Variants in HERC3 observed in about 807,000 individuals in gnomAD.
The protein encoded by HERC3 is probable E3 ubiquitin-protein ligase HERC3.
A neutral mutation model predicts 129.9 loss-of-function variants in HERC3; 58 were observed. That is an observed-to-expected ratio of 0.45 (90% CI 0.36 to 0.56). The LOEUF (loss-of-function observed/expected upper bound fraction) is 0.56, where lower values mean the gene tolerates loss of function less well. HERC3 is among the 20% of genes least tolerant of loss of function. The probability of loss-of-function intolerance (pLI) is 0.00; values close to 1 mark genes in which losing one functional copy is unlikely to be tolerated. For synonymous variants in HERC3, 430 were observed against 451.0 expected (o/e 0.95, Z 0.59); for missense variants, 835 against 1,244.2 (o/e 0.67, Z 4.95).
intron 3 of HERC3, among the ~76,000 whole-genome samples, chr4:88,630,774 AT>A (rs1416614570): frequency 6.6e-5 from 10 of 152,190 alleles, no homozygotes. Context: ...TGTTTTTAGG[AT>A]TTCCTCTGTC....
At chr4:88,591,788 T>C (rs1013310057), upstream of HERC3, among the ~76,000 whole-genome samples, 6 of 152,042 alleles carry the variant, frequency 3.9e-5, no homozygotes, top group African/African-American at 1.2e-4. Context: ...GGCCACAGAG[T>C]GTCTTTCAGA....
At chr4:88,611,585 G>A (rs1455926403) in intron 3 of HERC3, among the ~76,000 whole-genome samples, 1 of 152,222 alleles carries the variant, frequency 6.6e-6, no homozygotes, top group African/African-American at 2.4e-5. Context: ...ATTTTAAAAA[G>A]TGAGTGTATG....
intron 23 of HERC3, among the ~76,000 whole-genome samples, chr4:88,701,062 T>C (rs984124743): frequency 6.6e-6 from 1 of 152,236 alleles, no homozygotes; most frequent in Non-Finnish European, 1.5e-5. Flanking sequence ...AGTTGACCTA[T>C]AAAATTAACC....
intron 12 of HERC3, among the ~76,000 whole-genome samples, chr4:88,665,356 G>A (rs1487022745): frequency 6.6e-6 from 1 of 152,220 alleles, no homozygotes; most frequent in African/African-American, 2.4e-5. Flanking sequence ...GAGGCTGAAG[G>A]CCTGAGAAAT....
intron 23 of HERC3, among the ~76,000 whole-genome samples, chr4:88,689,688 C>T (rs1315308810): frequency 2.0e-5 from 3 of 151,672 alleles, no homozygotes; most frequent in Non-Finnish European, 4.4e-5. Flanking sequence ...AGTGATTCTT[C>T]TGCCTCGGCC....
chr4:88,611,689 C>A (rs999243822), intron 3 of HERC3, among the ~76,000 whole-genome samples: 8 of 152,112 alleles, frequency 5.3e-5, no homozygotes, highest in Non-Finnish European at 1.0e-4. Flanking sequence ...AGTTTTGAAC[C>A]CAAGTGGCAA....
At chr4:88,544,804 T>C in the HERC3 span, among the ~76,000 whole-genome samples, 1 of 151,782 alleles carries the variant, frequency 6.6e-6, no homozygotes, top group Non-Finnish European at 1.5e-5. Context: ...CATTCTCAGC[T>C]AACTATCACA....
chr4:88,545,626 A>G, the HERC3 span, among the ~76,000 whole-genome samples: 1 of 151,744 alleles, frequency 6.6e-6, no homozygotes, highest in African/African-American at 2.4e-5. Context: ...GGATCTCGCT[A>G]TGTTGCTCAG....
chr4:88,623,770 GTA>G (rs1399496166), intron 3 of HERC3, among the ~76,000 whole-genome samples: 1 of 152,112 alleles, frequency 6.6e-6, no homozygotes, highest in East Asian at 1.9e-4. Flanking sequence ...TTTTTGGTGT[GTA>G]TGTGCTTTAT....
intron 3 of HERC3, among the ~76,000 whole-genome samples, chr4:88,617,518 G>A (rs1725041162): frequency 6.6e-6 from 1 of 152,210 alleles, no homozygotes; most frequent in African/African-American, 2.4e-5. Context: ...AGTAGATTGT[G>A]CTGATTGAAA....
chr4:88,543,173 G>A, the HERC3 span, among the ~76,000 whole-genome samples: 1 of 152,188 alleles, frequency 6.6e-6, no homozygotes. Context: ...TGACATGATT[G>A]TAAATTTAGA....
At chr4:88,533,061 C>T in the HERC3 span, among the ~76,000 whole-genome samples, 29 of 152,054 alleles carry the variant, frequency 1.9e-4, no homozygotes, top group Non-Finnish European at 3.2e-4. Context: ...GTAGGGAAGC[C>T]GACAGCGCAG....
chr4:88,694,365 A>G (rs1578335398), intron 23 of HERC3, among the ~76,000 whole-genome samples: 1 of 152,210 alleles, frequency 6.6e-6, no homozygotes, highest in East Asian at 1.9e-4. Context: ...ATGACTATTA[A>G]CCCTTTGCCA....
intron 23 of HERC3, chr4:88,693,790 G>A (rs1734317207): frequency 1.9e-6 from 1 of 540,068 alleles, no homozygotes; most frequent in African/African-American, 2.1e-5. Context: ...CAGAGAGTTG[G>A]TTGAGTGTGT....
rs1725636544 is a variant in HERC3 at position 88,622,455 on chromosome 4, A to AT, written c.226+16412dup. 2.7e-5 allele frequency among the ~76,000 whole-genome samples: 4 copies of AT among 150,796 alleles called. No individual in the cohort carries two copies. In the South Asian group the frequency reaches 6.6e-4, roughly 25 times the overall value. ...ATGCTGCTGTGAACGTTTTTACACAATTTTTTGTGTGGACACATGTTTTCA... is the reference window on the plus strand; with the variant it reads ...ATGCTGCTGTGAACGTTTTTACACAATTTTTTTGTGTGGACACATGTTTTCA... On this transcript the variant is annotated intron_variant, in intron 3 of 25. Transcript: ENST00000402738.
chr4:88,693,780 CAG>C (rs1436760091), intron 23 of HERC3: 16 of 625,840 alleles, frequency 2.6e-5, no homozygotes, highest in Middle Eastern at 7.8e-4. Context: ...GCGTAATACT[CAG>C]AGAGTTGGTT....
At chr4:88,658,333 G>A in intron 9 of HERC3, 82 bp from the exon 10 acceptor site, 1 of 697,340 alleles carries the variant, frequency 1.4e-6, no homozygotes, top group Non-Finnish European at 2.5e-6. Flanking sequence ...ACTCTGAAGT[G>A]TATTCTGCGA....
chr4:88,630,846 A>T (rs1726664090), intron 3 of HERC3, among the ~76,000 whole-genome samples: 1 of 152,168 alleles, frequency 6.6e-6, no homozygotes, highest in East Asian at 1.9e-4. Flanking sequence ...AAAGCATTAG[A>T]TTATGCCACG....
At chr4:88,564,627 C>G in the HERC3 span, among the ~76,000 whole-genome samples, 1 of 152,080 alleles carries the variant, frequency 6.6e-6, no homozygotes, top group Non-Finnish European at 1.5e-5. Context: ...TGAGTTTTCT[C>G]TCTTTTTTCT....
Sources: gnomAD v4.1 joint callset for allele counts (sites outside exome capture counted in the v4.1 genomes callset) on GRCh38, gnomAD v4.1.1 for gene constraint, MANE v1.5 for transcripts, NCBI Gene and HGNC (gene_info 2026-07-23, HGNC 2026-07-21) for gene names.